Variants in FBXO38 observed in about 807,000 individuals in gnomAD.
FBXO38 encodes F-box protein 38.
A neutral mutation model predicts 131.9 loss-of-function variants in FBXO38; 53 were observed. The observed-to-expected ratio is 0.40, with a 90% CI of 0.32 to 0.51. The LOEUF (loss-of-function observed/expected upper bound fraction) is 0.51, where lower values mean the gene tolerates loss of function less well. Ranked by LOEUF, FBXO38 falls within the 20% of genes least tolerant of loss-of-function variation. FBXO38 has a pLI of 0.53. For synonymous variants in FBXO38, 452 were observed against 505.6 expected, an observed-to-expected ratio of 0.89 and a Z score of 1.42; for missense variants, 1,076 against 1,475.6, an observed-to-expected ratio of 0.73 and a Z score of 4.44.
chr5:148,433,403 C>T, intron 15 of FBXO38, 21 bp from the exon 16 acceptor site: 1 of 1,551,692 alleles, frequency 6.4e-7, no homozygotes, highest in Admixed American at 1.8e-5. Flanking sequence ...TTTGGATTTT[C>T]TTTTTTTTTG....
intron 1 of FBXO38, among the ~76,000 whole-genome samples, chr5:148,391,931 TA>T (rs905381845): frequency 6.6e-6 from 1 of 152,170 alleles, no homozygotes; most frequent in Admixed American, 6.5e-5. Context: ...TCATACTTTT[TA>T]AAAAAAGTTT....
chr5:148,392,801 C>G (rs1039057859), intron 1 of FBXO38, among the ~76,000 whole-genome samples: 2 of 151,954 alleles, frequency 1.3e-5, no homozygotes, highest in Non-Finnish European at 2.9e-5. Flanking sequence ...TCCCATAATA[C>G]AAATGGGTCA....
intron 17 of FBXO38, 46 bp downstream of exon 17, chr5:148,433,783 A>G: frequency 3.7e-6 from 4 of 1,087,994 alleles, no homozygotes; most frequent in Non-Finnish European, 5.4e-6. Context: ...TGAATGAGTT[A>G]AAAGAATTAG....
intron 12 of FBXO38, among the ~76,000 whole-genome samples, chr5:148,422,951 G>GGTTTGTTTGTTT (rs79554071): frequency 6.6e-4 from 100 of 151,102 alleles, no homozygotes; most frequent in East Asian, 2.1e-3. Context: ...ACAGATAACT[G>GGTTTGTTTGTTT]GTTTGTTTGT....
At chr5:148,441,897 C>T (rs1754704881) in intron 21 of FBXO38, 72 bp from the exon 22 acceptor site, 2 of 1,350,970 alleles carry the variant, frequency 1.5e-6, no homozygotes, top group South Asian at 1.4e-5. Flanking sequence ...GTCCTATGGA[C>T]CAGCTTATCA....
chr5:148,435,458 A>C (rs1474990349), intron 17 of FBXO38, among the ~76,000 whole-genome samples: 1 of 152,166 alleles, frequency 6.6e-6, no homozygotes, highest in African/African-American at 2.4e-5. Flanking sequence ...AAGCTTAATC[A>C]TTGCTATATT....
rs770127165 is a variant in FBXO38 at position 148,425,599 on chromosome 5, A to G, written c.1816A>G (p.Ser606Gly). 6.2e-7 allele frequency: 1 copy of G among 1,613,732 alleles called. No individual in the cohort carries two copies. The highest frequency in any genetic ancestry group is 8.5e-7 in the Non-Finnish European group (1 of 1,179,614). Reference sequence around the variant, plus strand: ...TTCAGAGAGTGATGATGAAGAAGATAGTCTAGAACTCCAAGAAGTCTGGAT... The same window carrying G: ...TTCAGAGAGTGATGATGAAGAAGATGGTCTAGAACTCCAAGAAGTCTGGAT... Reference protein sequence around the residue: ...HDSESDDEEDSLELQEVWIPK... With the variant: ...HDSESDDEEDGLELQEVWIPK... Residue 606 changes from serine to glycine, a missense_variant, in exon 14 of 22, where the codon AGT becomes GGT. This residue lies in a region of FBXO38 where 212 missense variants were observed against 221.2 expected (regional missense o/e 0.96). Transcript: ENST00000340253.
Position 148,398,985 on chromosome 5 carries a change from T to C in FBXO38, c.129-14T>C. 1.2e-6 allele frequency: 2 copies of C among 1,612,772 alleles called. No homozygotes were observed. The highest frequency in any genetic ancestry group is 1.7e-6 in the Non-Finnish European group (2 of 1,179,208). On this transcript the variant is annotated splice_polypyrimidine_tract_variant and intron_variant, in intron 2 of 21. Transcript: ENST00000340253. The stretch of plus-strand genomic sequence containing the variant: ...TATCCACTTGATAAATACGAGTTTC[T>C]TTCTCTCACAAAGGTACCTCCCTCT...
Position 148,417,146 on chromosome 5 carries a change from C to A in FBXO38, c.1560C>A (p.Asp520Glu). 6.2e-7 allele frequency: 1 copy of A among 1,613,728 alleles called. No homozygotes were observed. Among genetic ancestry groups the A allele is most frequent in the Non-Finnish European group, 8.5e-7 (1 of 1,179,754 alleles). The change falls in exon 12 of 22, where the codon GAC (aspartate) becomes GAA (glutamate). Residue 520 changes from aspartate (D) to glutamate (E), a missense_variant. Physicochemically the swap from Asp to Glu is conservative, Grantham distance 45 (BLOSUM62 2). Around this residue, in one of 8 missense-constraint regions of FBXO38, gnomAD observed 212 missense variants for 221.2 expected, o/e 0.96. Coordinates refer to ENST00000340253, the MANE Select transcript of FBXO38 (RefSeq NM_205836.3). ...ATCACCATCATCCAGATGACTCAGACGAGGAGAATGACTTTCGGCAAGATC... is the reference window on the plus strand; with the variant it reads ...ATCACCATCATCCAGATGACTCAGAAGAGGAGAATGACTTTCGGCAAGATC... Reference protein sequence around the residue: ...DNNHHHPDDSDEENDFRQDLQ... With the variant: ...DNNHHHPDDSEEENDFRQDLQ...
intron 1 of FBXO38, among the ~76,000 whole-genome samples, chr5:148,387,873 GT>G (rs779925467): frequency 1.3e-5 from 2 of 151,880 alleles, no homozygotes; most frequent in African/African-American, 2.4e-5. Context: ...TGTATTTTCA[GT>G]AGAGATGGGG....
intron 12 of FBXO38, among the ~76,000 whole-genome samples, chr5:148,423,302 A>G (rs1192467662): frequency 6.6e-6 from 1 of 152,194 alleles, no homozygotes; most frequent in Non-Finnish European, 1.5e-5. Flanking sequence ...GCAAACTGTT[A>G]AAACCTCTAG....
At chr5:148,400,163 A>T (rs998850027) in intron 3 of FBXO38, among the ~76,000 whole-genome samples, 13 of 152,092 alleles carry the variant, frequency 8.5e-5, no homozygotes, top group African/African-American at 3.1e-4. Flanking sequence ...GCTTATTAAT[A>T]GGTTTGTGGG....
intron 17 of FBXO38, chr5:148,434,595 T>G (rs1754235662): frequency 6.6e-6 from 1 of 152,200 alleles, no homozygotes; most frequent in African/African-American, 2.4e-5. Flanking sequence ...TGTTAAATGT[T>G]TGTGTATGTG....
chr5:148,427,557 G>A lies in FBXO38; in HGVS notation c.2263G>A (p.Gly755Ser), dbSNP rs201279543. ...GTCCAGGCAGTGTGCCTGCTCCCCC[G>A]GTGGGTCAGAGGACTCTGAGGCCAT... is the stretch of plus-strand genomic sequence containing the variant. ...DVSRQCACSP[G>S]GSEDSEAMEE... The change falls in exon 15 of 22, where the codon GGT becomes AGT. Residue 755 changes from glycine to serine, a missense_variant. This residue lies in a region of FBXO38 where 213 missense variants were observed against 225.2 expected (regional missense o/e 0.95). Transcript: ENST00000340253. The A allele has an allele frequency of 1.6e-5, 26 of 1,614,106 alleles. No individual in the cohort carries two copies. The highest frequency in any genetic ancestry group is 1.5e-4 in the Admixed American group (9 of 60,020).
intron 1 of FBXO38, among the ~76,000 whole-genome samples, chr5:148,386,817 A>G (rs975490895): frequency 6.6e-6 from 1 of 152,232 alleles, no homozygotes; most frequent in Non-Finnish European, 1.5e-5. Flanking sequence ...TGTATATAGA[A>G]GTTATATTTT....
intron 5 of FBXO38, 92 bp downstream of exon 5, chr5:148,402,605 T>C: frequency 8.8e-7 from 1 of 1,132,132 alleles, no homozygotes. Flanking sequence ...ATTTTAGAGA[T>C]GGCTTTGTTG....
At chr5:148,413,003 G>T (rs561524216) in intron 9 of FBXO38, among the ~76,000 whole-genome samples, 1 of 152,180 alleles carries the variant, frequency 6.6e-6, no homozygotes, top group South Asian at 2.1e-4. Flanking sequence ...TGTCATGTTA[G>T]GTTACAGCAT....
At chr5:148,430,217 C>T (rs1400588673) in intron 15 of FBXO38, 2 of 150,212 alleles carry the variant, frequency 1.3e-5, no homozygotes, top group Non-Finnish European at 3.0e-5. Context: ...TGCAGTGACA[C>T]CATCTTGGCT....
At chr5:148,389,615 G>T (rs1758091171) in intron 1 of FBXO38, 1 of 152,220 alleles carries the variant, frequency 6.6e-6, no homozygotes, top group Non-Finnish European at 1.5e-5. Flanking sequence ...GTGGCAAGTG[G>T]TATTTTGGAG....
Sources: allele counts gnomAD v4.1 joint callset (sites outside exome capture counted in the v4.1 genomes callset), GRCh38; gene constraint gnomAD v4.1.1; regional missense constraint gnomAD v4.1.1; transcripts MANE v1.5; gene names NCBI Gene and HGNC (gene_info 2026-07-23, HGNC 2026-07-21).